The following KIAA1958 variants were observed in gnomAD, a reference collection of about 807,000 sequenced individuals.
KIAA1958 encodes uncharacterized protein KIAA1958.
KIAA1958 carries 14 observed loss-of-function variants against 47.2 expected under a neutral mutation model. That is an observed-to-expected ratio of 0.30 (90% CI 0.20 to 0.46). The LOEUF (loss-of-function observed/expected upper bound fraction) is 0.46, where lower values mean the gene tolerates loss of function less well. KIAA1958 is among the 20% of genes least tolerant of loss of function. The pLI, the probability that KIAA1958 is intolerant of heterozygous loss-of-function variation, is 1.00. For synonymous variants in KIAA1958, 354 were observed against 353.3 expected, an observed-to-expected ratio of 1.00 and a Z score of -0.02; for missense variants, 803 against 909.2, an observed-to-expected ratio of 0.88 and a Z score of 1.50.
chr9:112,499,877 A>C (rs1302317761), intron 1 of KIAA1958, among the ~76,000 whole-genome samples: 1 of 151,202 alleles, frequency 6.6e-6, no homozygotes, highest in South Asian at 2.1e-4. Context: ...TTTAGTAGAG[A>C]TGGGGTTTCA....
chr9:112,508,990 A>G (rs1834277990), intron 1 of KIAA1958, among the ~76,000 whole-genome samples: 2 of 152,234 alleles, frequency 1.3e-5, no homozygotes, highest in African/African-American at 2.4e-5. Context: ...AGAAGATACT[A>G]AAACATTTCA....
At chr9:112,594,658 T>G (rs1835988485) in intron 2 of KIAA1958, among the ~76,000 whole-genome samples, 1 of 152,240 alleles carries the variant, frequency 6.6e-6, no homozygotes, top group Admixed American at 6.5e-5. Flanking sequence ...TTTTCACATT[T>G]TGGCTATTAT....
At chr9:112,577,935 A>G (rs1835677285) in intron 2 of KIAA1958, among the ~76,000 whole-genome samples, 1 of 152,190 alleles carries the variant, frequency 6.6e-6, no homozygotes, top group Non-Finnish European at 1.5e-5. Context: ...ATTTGGCTTT[A>G]TTCTCAGAGG....
Position 112,574,139 on chromosome 9 carries a change from A to G in KIAA1958, c.59A>G (p.His20Arg). Residue 20 changes from histidine to arginine, a missense_variant, in exon 2 of 4, where the codon CAT becomes CGT. Coordinates refer to ENST00000337530, the MANE Select transcript of KIAA1958 (RefSeq NM_133465.4). ...CTGTCCAAATTGGTCAGCTGGGCCC[A>G]TAGCCATGGGACTATTTGCAGCCTC... ...ENLSKLVSWA[H>R]SHGTICSLIP... is the part of the protein sequence containing the mutation. 1.2e-6 allele frequency: 2 copies of G among 1,613,544 alleles called. No individual in the cohort carries two copies. The highest frequency in any genetic ancestry group is 1.7e-6 in the Non-Finnish European group (2 of 1,179,690).
Position 112,618,007 on chromosome 9 carries a change from C to T in KIAA1958, c.1172-27643C>T. 6.4e-7 allele frequency: 1 copy of T among 1,550,548 alleles called. No individual in the cohort carries two copies. The highest frequency in any genetic ancestry group is 8.7e-7 in the Non-Finnish European group (1 of 1,146,988). The stretch of plus-strand genomic sequence containing the variant: ...CTGAAACAAGAGAGATTTATGTCAT[C>T]CCTTGCAAGGAGTTGGATGCCTACC... On this transcript the variant is annotated intron_variant, in intron 2 of 3. Transcript: ENST00000337530. This position sits in a 1 kb window ranked among gnomAD's most constrained non-coding sequence, Gnocchi z 7.1.
intron 1 of KIAA1958, among the ~76,000 whole-genome samples, chr9:112,559,132 G>T (rs1835288451): frequency 6.6e-6 from 1 of 152,194 alleles, no homozygotes; most frequent in Admixed American, 6.5e-5. Flanking sequence ...AGCCCTGCAG[G>T]TTCTTCTACG....
chr9:112,609,550 A>T (rs1836288611), intron 2 of KIAA1958, among the ~76,000 whole-genome samples: 3 of 152,038 alleles, frequency 2.0e-5, no homozygotes, highest in Admixed American at 2.0e-4. Flanking sequence ...AACTTTATAT[A>T]TACGTAATTT....
intron 1 of KIAA1958, among the ~76,000 whole-genome samples, chr9:112,556,129 G>T (rs535516503): frequency 2.6e-5 from 4 of 152,186 alleles, no homozygotes; most frequent in Non-Finnish European, 5.9e-5. Flanking sequence ...TAGTTTCAAC[G>T]TGAATTTTGG....
chr9:112,524,874 C>CT (rs1033258098), intron 1 of KIAA1958, among the ~76,000 whole-genome samples: 1 of 152,182 alleles, frequency 6.6e-6, no homozygotes, highest in Non-Finnish European at 1.5e-5. Context: ...GGAGTCAAGG[C>CT]TTATCACTAT....
intron 1 of KIAA1958, among the ~76,000 whole-genome samples, chr9:112,551,191 CTA>C (rs1056732532): frequency 1.3e-5 from 2 of 152,118 alleles, no homozygotes; most frequent in African/African-American, 2.4e-5. Flanking sequence ...TGTTATATAA[CTA>C]TCACTGTCAT....
At chr9:112,600,925 G>A (rs1234290122) in intron 2 of KIAA1958, among the ~76,000 whole-genome samples, 2 of 152,152 alleles carry the variant, frequency 1.3e-5, no homozygotes, top group East Asian at 1.9e-4. Flanking sequence ...TAAGAGATAG[G>A]TACAGTTTAT....
chr9:112,660,767 C>T lies in KIAA1958; in HGVS notation c.*698C>T, dbSNP rs1056292539. The stretch of plus-strand genomic sequence containing the variant: ...CGCACCAGAAGGGTGTCTGTGAGAA[C>T]AAGGCTTCTAGTGAACTAGACAGTT... On this transcript the variant is annotated 3_prime_UTR_variant, in exon 4 of 4. Transcript: ENST00000337530. 1.3e-5 allele frequency: 2 copies of T among 152,258 alleles called. No individual in the cohort carries two copies. Among genetic ancestry groups the T allele is most frequent in the African/African-American group, 2.4e-5 (1 of 41,442 alleles). The allele number at this position is 152,258 out of a possible 1,614,324, so 9.4% of individuals were successfully genotyped here.
chr9:112,635,664 ACATAAT>A (rs1836793663), intron 2 of KIAA1958, among the ~76,000 whole-genome samples: 1 of 152,138 alleles, frequency 6.6e-6, no homozygotes, highest in Admixed American at 6.6e-5. Flanking sequence ...AAATTGATTG[ACATAAT>A]CAAGTTGTTC....
Position 112,574,634 on chromosome 9 carries a change from G to A in KIAA1958, c.554G>A (p.Ser185Asn), listed in dbSNP as rs2131174233. 1 of 1,614,152 alleles carries A rather than the reference G, an allele frequency of 6.2e-7. No homozygotes were observed. Among genetic ancestry groups the A allele is most frequent in the East Asian group, 2.2e-5 (1 of 44,864 alleles). Residue 185 changes from serine to asparagine, a missense_variant, in exon 2 of 4, where the codon AGC (serine) becomes AAC (asparagine). Physicochemically the swap from Ser to Asn is conservative, Grantham distance 46. Around this residue, in one of 2 missense-constraint regions of KIAA1958, gnomAD observed 761 missense variants for 829.3 expected, o/e 0.92. Coordinates refer to ENST00000337530, the MANE Select transcript of KIAA1958 (RefSeq NM_133465.4). The stretch of plus-strand genomic sequence containing the variant: ...GTAGTCCCATCTTCCCTCCATTCAA[G>A]CTCCCAGACGCAGATGGTTGACGAA... ...PGVVPSSLHSSSQTQMVDECS... is the reference protein window; with the variant it reads ...PGVVPSSLHSNSQTQMVDECS...
intron 2 of KIAA1958, among the ~76,000 whole-genome samples, chr9:112,620,332 T>C (rs1172386442): frequency 6.6e-6 from 1 of 152,208 alleles, no homozygotes; most frequent in African/African-American, 2.4e-5. Context: ...TATTGGGAAA[T>C]ATTTGTTCTT....
intron 1 of KIAA1958, among the ~76,000 whole-genome samples, chr9:112,538,656 A>C (rs749327816): frequency 1.3e-5 from 2 of 152,168 alleles, no homozygotes; most frequent in Admixed American, 6.5e-5. Flanking sequence ...AAAAACATAA[A>C]ACAAAAACTA....
intron 1 of KIAA1958, among the ~76,000 whole-genome samples, chr9:112,560,732 G>GT (rs1026675855): frequency 1.1e-4 from 17 of 152,260 alleles, no homozygotes; most frequent in African/African-American, 4.1e-4. Context: ...AGTGGTTAGG[G>GT]TAAGAATTAC....
At chr9:112,495,497 A>G (rs1396202057) in intron 1 of KIAA1958, among the ~76,000 whole-genome samples, 1 of 152,228 alleles carries the variant, frequency 6.6e-6, no homozygotes, top group African/African-American at 2.4e-5. Flanking sequence ...AGAATGGCTA[A>G]ATGAGAAAGA....
chr9:112,559,115 T>C (rs191314455), intron 1 of KIAA1958, among the ~76,000 whole-genome samples: 110 of 152,360 alleles, frequency 7.2e-4, no homozygotes, highest in African/African-American at 2.4e-3. Flanking sequence ...GTTCTTGGAA[T>C]TGAACCAGCC....
Sources: allele counts gnomAD v4.1 joint callset (sites outside exome capture counted in the v4.1 genomes callset), GRCh38; gene constraint gnomAD v4.1.1; regional missense constraint gnomAD v4.1.1; non-coding constraint Gnocchi (gnomAD v3.1); transcripts MANE v1.5; gene names NCBI Gene and HGNC (gene_info 2026-07-23, HGNC 2026-07-21).